CYTH1: variants seen among roughly 807,000 people sequenced by gnomAD.
The protein encoded by CYTH1 is cytohesin 1, also known as cytohesin-1.
In CYTH1, 18 loss-of-function variants were observed where a neutral mutation model predicts 61.8. The ratio of observed to expected loss-of-function variants is 0.29; its 90% CI spans 0.20 to 0.43. CYTH1 has a LOEUF of 0.43. Among genes scored for constraint, CYTH1 ranks in the 20% least tolerant of loss-of-function variants. CYTH1 has a pLI of 1.00. For synonymous variants in CYTH1, 174 were observed against 184.3 expected, an observed-to-expected ratio of 0.94 and a Z score of 0.45; for missense variants, 336 against 510.5, an observed-to-expected ratio of 0.66 and a Z score of 3.29.
At chr17:78,754,073 C>T (rs2093391165) in intron 1 of CYTH1, among the ~76,000 whole-genome samples, 1 of 152,050 alleles carries the variant, frequency 6.6e-6, no homozygotes, top group African/African-American at 2.4e-5. Context: ...GTCAAAGTGG[C>T]CGTTGTGTGA....
chr17:78,678,178 T>C (rs549565354), intron 13 of CYTH1: 26 of 152,324 alleles, frequency 1.7e-4, no homozygotes, highest in African/African-American at 6.0e-4. Context: ...GATTGAATGA[T>C]TCTAAATGTG....
chr17:78,737,130 C>A (rs907887336), intron 1 of CYTH1, among the ~76,000 whole-genome samples: 1 of 152,318 alleles, frequency 6.6e-6, no homozygotes, highest in South Asian at 2.1e-4. Context: ...TCTTCACTTT[C>A]AAGTACAGTT....
At chr17:78,762,362 C>T (rs1324157883) in intron 1 of CYTH1, among the ~76,000 whole-genome samples, 1 of 152,144 alleles carries the variant, frequency 6.6e-6, no homozygotes, top group Admixed American at 6.6e-5. Context: ...AAATGCTTCA[C>T]GAAGTCAGAC....
At chr17:78,725,943 G>GA (rs2093264087) in intron 1 of CYTH1, among the ~76,000 whole-genome samples, 1 of 151,544 alleles carries the variant, frequency 6.6e-6, no homozygotes, top group African/African-American at 2.4e-5. Context: ...CCATCAGAGA[G>GA]AATCACAGGA....
intron 9 of CYTH1, among the ~76,000 whole-genome samples, 157 bp downstream of exon 9, chr17:78,698,112 T>C (rs2092961264): frequency 2.0e-5 from 3 of 152,196 alleles, no homozygotes; most frequent in Admixed American, 2.0e-4. Context: ...TCCATGAATG[T>C]GTGTGAACAT....
chr17:78,730,148 T>C (rs556350464), intron 1 of CYTH1, among the ~76,000 whole-genome samples: 2 of 152,216 alleles, frequency 1.3e-5, no homozygotes, highest in Admixed American at 6.5e-5. Flanking sequence ...GTCTCTCGTC[T>C]GAATTCTGTG....
At chr17:78,712,102 AAGGAAGGAAGGG>A (rs1240981839) in intron 1 of CYTH1, among the ~76,000 whole-genome samples, 111 of 133,166 alleles carry the variant, frequency 8.3e-4, no homozygotes, top group African/African-American at 2.9e-3. Context: ...GGAAAGAAGG[AAGGAAGGAAGGG>A]AGGAAGGAAG....
At chr17:78,757,892 A>G (rs536577660) in intron 1 of CYTH1, among the ~76,000 whole-genome samples, 26 of 152,160 alleles carry the variant, frequency 1.7e-4, no homozygotes, top group Non-Finnish European at 3.2e-4. Flanking sequence ...AGCATGGGTG[A>G]CAGAGCAAGA....
Position 78,756,004 on chromosome 17 carries a change from G to A in CYTH1, c.22+26198C>T, listed in dbSNP as rs1162967235. ...GAAAATATTGTGCTTTATTGTGATA[G>A]TGGTTTCACTGGTGTACAAAACTGC... On this transcript the variant is annotated intron_variant, in intron 1 of 13. Transcript: ENST00000446868. 3.3e-5 allele frequency among the ~76,000 whole-genome samples: 5 copies of A among 151,528 alleles called. No homozygotes were observed. In the South Asian group the frequency reaches 1.0e-3, roughly 31 times the overall value.
At chr17:78,693,666 G>T (rs1475635924) in intron 10 of CYTH1, among the ~76,000 whole-genome samples, 1 of 151,818 alleles carries the variant, frequency 6.6e-6, no homozygotes, top group Non-Finnish European at 1.5e-5. Flanking sequence ...TGGGGTTGGG[G>T]CCGTGAAGTT....
At chr17:78,745,888 C>T (rs1249644522) in intron 1 of CYTH1, among the ~76,000 whole-genome samples, 1 of 150,748 alleles carries the variant, frequency 6.6e-6, no homozygotes, top group Non-Finnish European at 1.5e-5. Flanking sequence ...GAGACTCTGT[C>T]TCAAAAAAAA....
intron 11 of CYTH1, among the ~76,000 whole-genome samples, chr17:78,689,543 G>A (rs2092854517): frequency 1.3e-5 from 2 of 152,176 alleles, no homozygotes; most frequent in Non-Finnish European, 2.9e-5. Flanking sequence ...GCAGCTGGCT[G>A]TAAATACAGA....
chr17:78,698,323 C>T lies in CYTH1; in HGVS notation c.757G>A (p.Asp253Asn), dbSNP rs1447903281. The T allele has an allele frequency of 1.2e-6, 2 of 1,613,276 alleles. No homozygotes were observed. The highest frequency in any genetic ancestry group is 1.1e-5 in the South Asian group (1 of 90,854). ...PFKIPEDDGN[D>N]LTHTFFNPDR... Reference sequence around the variant, plus strand: ...GGATTGAAGAAAGTGTGAGTGAGGTCATTCCCGTCGTCTTCTGGGATTTTA... The same window carrying T: ...GGATTGAAGAAAGTGTGAGTGAGGTTATTCCCGTCGTCTTCTGGGATTTTA... Residue 253 changes from aspartate (D) to asparagine (N), a missense_variant, in exon 9 of 14, where the codon GAC becomes AAC. Asp to Asn is a conservative substitution (Grantham distance 23). Transcript: ENST00000446868.
Position 78,700,092 on chromosome 17 carries a change from G to A in CYTH1, c.550+239C>T, listed in dbSNP as rs1421995422. ...TTACCAGTGTGAGCCACTGCATGCA[G>A]CTAAAACATGGTTTTTAATAGCTGT... is the stretch of plus-strand genomic sequence containing the variant. On this transcript the variant is annotated intron_variant, in intron 7 of 13. Transcript: ENST00000446868. The surrounding 1 kb of genome is among the most constrained non-coding windows in gnomAD (Gnocchi z 5.1). 6.6e-6 allele frequency among the ~76,000 whole-genome samples: 1 copy of A among 152,168 alleles called. No individual in the cohort carries two copies. The highest frequency in any genetic ancestry group is 1.5e-5 in the Non-Finnish European group (1 of 68,034).
At chr17:78,714,103 A>T (rs532965158) in intron 1 of CYTH1, among the ~76,000 whole-genome samples, 11 of 152,252 alleles carry the variant, frequency 7.2e-5, no homozygotes, top group Middle Eastern at 3.4e-3. Flanking sequence ...CCGTTTGACC[A>T]ACAAGGTGAA....
At chr17:78,721,323 C>G (rs1000493430) in intron 1 of CYTH1, among the ~76,000 whole-genome samples, 13 of 152,080 alleles carry the variant, frequency 8.5e-5, no homozygotes, top group African/African-American at 2.2e-4. Flanking sequence ...GAGCAAGACT[C>G]CGTCTCAAAA....
chr17:78,717,241 C>A lies in CYTH1; in HGVS notation c.23-7509G>T, dbSNP rs1318809767. Among the ~76,000 whole-genome samples, 3 of 152,162 alleles carry A rather than the reference C, an allele frequency of 2.0e-5. No homozygotes were observed. The highest frequency in any genetic ancestry group is 4.4e-5 in the Non-Finnish European group (3 of 68,014). On this transcript the variant is annotated intron_variant, in intron 1 of 13. Transcript: ENST00000446868. This position sits in a 1 kb window ranked among gnomAD's most constrained non-coding sequence, Gnocchi z 4.4. Reference sequence around the variant, plus strand: ...AATGGAGACAAACCAGAGGGGGAGCCGCCCTGACACACCACCCGGTCGCTC... The same window carrying A: ...AATGGAGACAAACCAGAGGGGGAGCAGCCCTGACACACCACCCGGTCGCTC...
At chr17:78,754,696 A>G (rs2093393944) in intron 1 of CYTH1, among the ~76,000 whole-genome samples, 1 of 152,084 alleles carries the variant, frequency 6.6e-6, no homozygotes, top group Non-Finnish European at 1.5e-5. Context: ...TTTTGCATTT[A>G]GTTTGTGACT....
At chr17:78,686,255 T>C (rs1776962782) in intron 11 of CYTH1, among the ~76,000 whole-genome samples, 1 of 152,226 alleles carries the variant, frequency 6.6e-6, no homozygotes, top group Admixed American at 6.5e-5. Context: ...TTTCAGCTAA[T>C]TTGTTCCACT....
Sources: gnomAD v4.1 joint callset for allele counts (sites outside exome capture counted in the v4.1 genomes callset) on GRCh38, gnomAD v4.1.1 for gene constraint, Gnocchi (gnomAD v3.1) non-coding constraint, MANE v1.5 for transcripts, NCBI Gene and HGNC (gene_info 2026-07-23, HGNC 2026-07-21) for gene names.